The following COL25A1 variants were observed in gnomAD, a reference collection of about 807,000 sequenced individuals.
COL25A1 encodes the protein collagen alpha-1(XXV) chain.
COL25A1 carries 103 observed loss-of-function variants against 128.4 expected under a neutral mutation model. That is an observed-to-expected ratio of 0.80 (90% CI 0.68 to 0.94). COL25A1 has a LOEUF of 0.94. Among genes scored for constraint, COL25A1 ranks in the 40% least tolerant of loss-of-function variants. COL25A1 has a pLI of 0.00. For synonymous variants in COL25A1, 279 were observed against 277.2 expected (o/e 1.01, Z -0.06); for missense variants, 745 against 840.0 (o/e 0.89, Z 1.40).
Position 109,277,336 on chromosome 4 carries a change from T to C in COL25A1, c.367+23247A>G, listed in dbSNP as rs1469187683. ...AAGTCCATTATTATCCATATATTCA[T>C]ACTAATTTAGAGCTTTTGTTAAAAG... On this transcript the variant is annotated intron_variant, in intron 3 of 37. Transcript: ENST00000399132. Among the ~76,000 whole-genome samples the C allele has an allele frequency of 2.0e-5, 3 of 152,166 alleles. No individual in the cohort carries two copies. In the East Asian group the frequency reaches 5.8e-4, roughly 29 times the overall value.
intron 3 of COL25A1, among the ~76,000 whole-genome samples, chr4:109,085,841 G>T (rs185226464): frequency 7.8e-4 from 119 of 152,248 alleles, no homozygotes; most frequent in Non-Finnish European, 1.4e-3. Flanking sequence ...ATAAATATTT[G>T]TTAAAAGAAT....
At chr4:109,062,927 C>T (rs1762100804) in intron 3 of COL25A1, among the ~76,000 whole-genome samples, 1 of 152,164 alleles carries the variant, frequency 6.6e-6, no homozygotes, top group Non-Finnish European at 1.5e-5. Context: ...TAAAAATGGA[C>T]ATAACTAAAA....
At chr4:108,850,049 A>C (rs1197868710) in intron 26 of COL25A1, among the ~76,000 whole-genome samples, 1 of 152,198 alleles carries the variant, frequency 6.6e-6, no homozygotes, top group Non-Finnish European at 1.5e-5. Context: ...CACCTGGCTA[A>C]GCCCTAGTTT....
intron 13 of COL25A1, among the ~76,000 whole-genome samples, chr4:108,902,470 T>C (rs753119221): frequency 3.9e-5 from 6 of 151,974 alleles, no homozygotes; most frequent in Non-Finnish European, 5.9e-5. Flanking sequence ...TATCTAGGAA[T>C]TGGGAGAGAG....
At chr4:108,968,478 C>T (rs866348930) in intron 8 of COL25A1, among the ~76,000 whole-genome samples, 1 of 138,388 alleles carries the variant, frequency 7.2e-6, no homozygotes, top group Non-Finnish European at 1.6e-5. Context: ...ATATTGGCCA[C>T]TCTTTTTTTT....
chr4:109,165,949 TACA>T (rs1282462178), intron 3 of COL25A1, among the ~76,000 whole-genome samples: 6 of 152,194 alleles, frequency 3.9e-5, no homozygotes, highest in Admixed American at 1.3e-4. Flanking sequence ...CATCTGGAAT[TACA>T]ACATTTAAAA....
Position 108,813,209 on chromosome 4 carries a change from C to G in COL25A1, c.*718G>C, listed in dbSNP as rs1368996172. Reference sequence around the variant, plus strand: ...CAACCAAAGTGGCCACATGAGCCCACAATACTGGAAGCTGTAGATCTGCAG... The same window carrying G: ...CAACCAAAGTGGCCACATGAGCCCAGAATACTGGAAGCTGTAGATCTGCAG... On this transcript the variant is annotated 3_prime_UTR_variant, in exon 38 of 38. Coordinates refer to ENST00000399132, the MANE Select transcript of COL25A1 (RefSeq NM_198721.4). 6.6e-6 allele frequency: 1 copy of G among 152,194 alleles called. No homozygotes were observed. Among genetic ancestry groups the G allele is most frequent in the Non-Finnish European group, 1.5e-5 (1 of 68,064 alleles). 9.4% of individuals were successfully genotyped at this position (152,194 alleles called of 1,614,324 possible).
chr4:108,901,377 A>T (rs1279955304), intron 13 of COL25A1, among the ~76,000 whole-genome samples: 1 of 152,128 alleles, frequency 6.6e-6, no homozygotes, highest in Non-Finnish European at 1.5e-5. Context: ...TCCTTTGTTC[A>T]GTCTTCTCAT....
chr4:109,023,550 A>G (rs1417804517), intron 5 of COL25A1, among the ~76,000 whole-genome samples: 1 of 152,196 alleles, frequency 6.6e-6, no homozygotes, highest in Non-Finnish European at 1.5e-5. Context: ...TCCAACGAGG[A>G]GCTAATTGAA....
chr4:109,110,032 C>T (rs1285341725), intron 3 of COL25A1, among the ~76,000 whole-genome samples: 1 of 152,122 alleles, frequency 6.6e-6, no homozygotes, highest in East Asian at 1.9e-4. Context: ...CAGGATTGTA[C>T]GAATTTGTGT....
At chr4:108,994,352 G>A (rs913750630) in intron 6 of COL25A1, among the ~76,000 whole-genome samples, 1 of 152,258 alleles carries the variant, frequency 6.6e-6, no homozygotes, top group Non-Finnish European at 1.5e-5. Flanking sequence ...CTTGCTCACT[G>A]CTAGCGCAGA....
chr4:109,266,620 T>A (rs1252664701), intron 3 of COL25A1, among the ~76,000 whole-genome samples: 1 of 151,864 alleles, frequency 6.6e-6, no homozygotes. Flanking sequence ...CGGCATGACC[T>A]CAGTTTGTAA....
At chr4:109,251,163 A>G (rs745718145) in intron 3 of COL25A1, among the ~76,000 whole-genome samples, 1 of 152,218 alleles carries the variant, frequency 6.6e-6, no homozygotes, top group Non-Finnish European at 1.5e-5. Flanking sequence ...ACACACACAC[A>G]TACACACACA....
chr4:108,963,073 C>T (rs1332062354), intron 8 of COL25A1, among the ~76,000 whole-genome samples: 2 of 152,206 alleles, frequency 1.3e-5, no homozygotes, highest in African/African-American at 4.8e-5. Flanking sequence ...AGAGACCCAT[C>T]TTGTTCAGAC....
At chr4:108,946,134 CCAT>C (rs1654094720) in intron 8 of COL25A1, among the ~76,000 whole-genome samples, 1 of 152,258 alleles carries the variant, frequency 6.6e-6, no homozygotes, top group Non-Finnish European at 1.5e-5. Flanking sequence ...AAGTAGGCAA[CCAT>C]CTCACAATGA....
intron 18 of COL25A1, 123 bp from the exon 19 acceptor site, chr4:108,884,345 C>G: frequency 3.6e-6 from 3 of 825,210 alleles, no homozygotes; most frequent in Non-Finnish European, 5.7e-6. Flanking sequence ...AAACCGTCTA[C>G]TTTCAAAAAC....
intron 19 of COL25A1, among the ~76,000 whole-genome samples, chr4:108,878,036 A>G (rs1739670229): frequency 6.6e-6 from 1 of 152,134 alleles, no homozygotes; most frequent in Non-Finnish European, 1.5e-5. Flanking sequence ...AAAGGAGGAG[A>G]CAGCTTCATT....
chr4:109,230,082 G>A (rs1249729220), intron 3 of COL25A1, among the ~76,000 whole-genome samples: 4 of 152,004 alleles, frequency 2.6e-5, no homozygotes, highest in African/African-American at 4.8e-5. Flanking sequence ...AAGACACCAC[G>A]AAGCCATGAG....
intron 6 of COL25A1, among the ~76,000 whole-genome samples, chr4:108,997,529 G>A (rs532743423): frequency 3.3e-5 from 5 of 152,146 alleles, no homozygotes; most frequent in East Asian, 3.9e-4. Flanking sequence ...ATTCACAGCC[G>A]AATTCTACCA....
Sources: allele counts gnomAD v4.1 joint callset (sites outside exome capture counted in the v4.1 genomes callset), GRCh38; gene constraint gnomAD v4.1.1; transcripts MANE v1.5; gene names NCBI Gene and HGNC (gene_info 2026-07-23, HGNC 2026-07-21).